BAZ1A: variants seen among roughly 807,000 people sequenced by gnomAD.
BAZ1A encodes bromodomain adjacent to zinc finger domain 1A.
BAZ1A carries 50 observed loss-of-function variants against 185.2 expected under a neutral mutation model. The observed-to-expected ratio is 0.27, with a 90% CI of 0.22 to 0.34. The LOEUF is 0.34. Ranked by LOEUF, BAZ1A falls within the 10% of genes least tolerant of loss-of-function variation. BAZ1A has a pLI of 1.00. For synonymous variants in BAZ1A, 571 were observed against 615.6 expected (o/e 0.93, Z 1.07); for missense variants, 1,356 against 1,839.9 (o/e 0.74, Z 4.81).
intron 25 of BAZ1A, among the ~76,000 whole-genome samples, chr14:34,755,587 T>C (rs1293192973): frequency 1.3e-5 from 2 of 152,180 alleles, no homozygotes; most frequent in African/African-American, 4.8e-5. Flanking sequence ...ATAGTTCTCC[T>C]TAAAAAGCGT....
Position 34,862,100 on chromosome 14 carries a change from G to C in BAZ1A, c.336C>G (p.Val112=). Residue 112 remains valine (V), a synonymous_variant, in exon 3 of 27, where the codon GTC becomes GTG. Transcript: ENST00000360310. The part of the protein sequence containing the change: ...HEICDDIFAY[V]KDRYFVEETV... ...TTTCTTCGACAAAATATCGATCCTT[G>C]ACATATGCAAAGATATCATCACAAA... 1 of 1,614,154 alleles carries C rather than the reference G, an allele frequency of 6.2e-7. No individual in the cohort carries two copies. Among genetic ancestry groups the C allele is most frequent in the Non-Finnish European group, 8.5e-7 (1 of 1,180,020 alleles).
chr14:34,773,694 T>C lies in BAZ1A; in HGVS notation c.3030A>G (p.Leu1010=). The C allele has an allele frequency of 6.2e-7, 1 of 1,613,680 alleles. No individual in the cohort carries two copies. The highest frequency in any genetic ancestry group is 1.3e-5 in the African/African-American group (1 of 75,040). ...TTAACAGCTCATACCGTCCACTTTCTAATGCTGATCTCCAGATATGTCGAT... is the reference window on the plus strand; with the variant it reads ...TTAACAGCTCATACCGTCCACTTTCCAATGCTGATCTCCAGATATGTCGAT... ...VTDRHIWRSA[L]ESGRYELLSE... is the part of the protein sequence containing the mutation. The change falls in exon 20 of 27, where the codon TTA becomes TTG. Residue 1010 remains leucine (L), a synonymous_variant. Transcript: ENST00000360310.
chr14:34,802,877 G>C lies in BAZ1A; in HGVS notation c.838C>G (p.Pro280Ala). The change falls in exon 7 of 27, where the codon CCC (proline) becomes GCC (alanine). Residue 280 changes from proline (P) to alanine (A), a missense_variant. Pro to Ala is a conservative substitution (Grantham distance 27). Coordinates refer to ENST00000360310, the MANE Select transcript of BAZ1A (RefSeq NM_013448.3). ...SPANRRRGRP[P>A]KRIHISQEDN... ...ACTTGACTAATATGTATTCGTTTGG[G>C]AGGTCTCCCTCTTCGTCTGTTAGCA... 6.2e-7 allele frequency: 1 copy of C among 1,613,602 alleles called. No individual in the cohort carries two copies. Among genetic ancestry groups the C allele is most frequent in the Non-Finnish European group, 8.5e-7 (1 of 1,179,652 alleles).
chr14:34,788,365 G>A (rs893846556), intron 12 of BAZ1A, among the ~76,000 whole-genome samples: 1 of 151,908 alleles, frequency 6.6e-6, no homozygotes, highest in Non-Finnish European at 1.5e-5. Flanking sequence ...GTGCAGTGCT[G>A]CAATCTCAGC....
chr14:34,822,346 A>T (rs1331422230), intron 4 of BAZ1A, among the ~76,000 whole-genome samples: 1 of 151,932 alleles, frequency 6.6e-6, no homozygotes, highest in Non-Finnish European at 1.5e-5. Context: ...TGACTAGACC[A>T]GGCATGGGGG....
chr14:34,756,298 G>A (rs973841834), intron 25 of BAZ1A, among the ~76,000 whole-genome samples: 14 of 150,464 alleles, frequency 9.3e-5, no homozygotes, highest in Admixed American at 2.0e-4. Flanking sequence ...TGTTTTTTTA[G>A]TAGAGACAGG....
At chr14:34,852,647 C>T (rs1463462755) in intron 3 of BAZ1A, among the ~76,000 whole-genome samples, 1 of 151,974 alleles carries the variant, frequency 6.6e-6, no homozygotes, top group Non-Finnish European at 1.5e-5. Context: ...TGCATGTTCC[C>T]CAATGAAGAC....
chr14:34,816,646 A>C (rs1003473833), intron 4 of BAZ1A: 12 of 210,428 alleles, frequency 5.7e-5, no homozygotes, highest in African/African-American at 2.8e-4. Context: ...TTCACATACT[A>C]ATCTGAGCTG....
intron 4 of BAZ1A, among the ~76,000 whole-genome samples, chr14:34,812,486 G>A (rs2041943973): frequency 1.3e-5 from 2 of 152,130 alleles, no homozygotes; most frequent in African/African-American, 4.8e-5. Flanking sequence ...CACTTCAGAA[G>A]GGTCACTCTG....
chr14:34,795,731 T>A lies in BAZ1A; in HGVS notation c.1163A>T (p.Tyr388Phe). 6.2e-7 allele frequency: 1 copy of A among 1,613,332 alleles called. No homozygotes were observed. The highest frequency in any genetic ancestry group is 8.5e-7 in the Non-Finnish European group (1 of 1,179,848). Reference sequence around the variant, plus strand: ...ACTCCACTGTTTTAAGTATTCCACATACTTTCGCTTTTCTTCACGTAACTT... The same window carrying A: ...ACTCCACTGTTTTAAGTATTCCACAAACTTTCGCTTTTCTTCACGTAACTT... ...REKLREEKRK[Y>F]VEYLKQWSKP... is the part of the protein sequence containing the mutation. Residue 388 changes from tyrosine (Y) to phenylalanine (F), a missense_variant, in exon 10 of 27, where the codon TAT (tyrosine) becomes TTT (phenylalanine). Transcript: ENST00000360310.
At chr14:34,838,237 T>C (rs936054988) in intron 3 of BAZ1A, among the ~76,000 whole-genome samples, 4 of 152,212 alleles carry the variant, frequency 2.6e-5, no homozygotes, top group African/African-American at 9.7e-5. Context: ...GGAAAGGCAA[T>C]CTATTAGGTG....
rs780287749 is a variant in BAZ1A at position 34,759,171 on chromosome 14, G to GTTTTTTTTTTTTTTT, written c.4244-340_4244-326dup. ...TTATTAAAAATACTTTACAGCTACA[G>GTTTTTTTTTTTTTTT]TTTTTTTTTTTTTTTTTTTTTTTTT... On this transcript the variant is annotated intron_variant, in intron 24 of 26. Transcript: ENST00000360310. Among the ~76,000 whole-genome samples the GTTTTTTTTTTTTTTT allele has an allele frequency of 2.6e-4, 17 of 66,468 alleles. 2 individuals carry two copies. The highest frequency in any genetic ancestry group is 1.2e-3 in the East Asian group (2 of 1,624). The allele number at this position is 66,468 out of a possible 152,430, so 43.6% of individuals were successfully genotyped here.
chr14:34,785,389 A>C lies in BAZ1A; in HGVS notation c.1831+388T>G, dbSNP rs542011838. On this transcript the variant is annotated intron_variant, in intron 14 of 26. Transcript: ENST00000360310. Reference sequence around the variant, plus strand: ...CTTGTACATGCAATTTTTTAAAAAAAGGAAGTGAAAAATAGCTTCATCTTA... The same window carrying C: ...CTTGTACATGCAATTTTTTAAAAAACGGAAGTGAAAAATAGCTTCATCTTA... Among the ~76,000 whole-genome samples, 25 of 152,312 alleles carry C rather than the reference A, an allele frequency of 1.6e-4. No individual in the cohort carries two copies. In the East Asian group the frequency reaches 4.4e-3, roughly 27 times the overall value.
chr14:34,801,835 G>T (rs998430097), intron 7 of BAZ1A, among the ~76,000 whole-genome samples: 13 of 151,724 alleles, frequency 8.6e-5, no homozygotes, highest in Admixed American at 2.6e-4. Flanking sequence ...GAACCCAGGA[G>T]GTGGAGGTTG....
At position 34,784,367 on chromosome 14, in the gene BAZ1A, C is replaced by CCAAAAAAAAAAAAAA. The variant is rs1225939081; in HGVS notation, c.1832-441_1832-440insTTTTTTTTTTTTTTG. Among the ~76,000 whole-genome samples, 77 of 77,176 alleles carry CCAAAAAAAAAAAAAA rather than the reference C, an allele frequency of 1.0e-3. 10 individuals are homozygous for CCAAAAAAAAAAAAAA. The highest frequency in any genetic ancestry group is 3.8e-3 in the African/African-American group (62 of 16,418). The allele number at this position is 77,176 out of a possible 152,430, so 50.6% of individuals were successfully genotyped here. On this transcript the variant is annotated intron_variant, in intron 14 of 26. Transcript: ENST00000360310. ...TGGGCAACTGAGTGAGACTCTGTCTCAAAAAAAAAAAAAAAAAAAAAAAAA... is the reference window on the plus strand; with the variant it reads ...TGGGCAACTGAGTGAGACTCTGTCTCCAAAAAAAAAAAAAAAAAAAAAAAAAAAAAAAAAAAAAAA...
At chr14:34,779,108 T>C (rs866544547) in intron 17 of BAZ1A, among the ~76,000 whole-genome samples, 1 of 151,994 alleles carries the variant, frequency 6.6e-6, no homozygotes, top group East Asian at 1.9e-4. Context: ...CCTTGGCCTC[T>C]CAGAGTGCTG....
At chr14:34,762,760 G>A (rs753835539) in intron 23 of BAZ1A, among the ~76,000 whole-genome samples, 4 of 152,154 alleles carry the variant, frequency 2.6e-5, no homozygotes, top group Non-Finnish European at 4.4e-5. Context: ...GTAAGCCACC[G>A]TGCCCAGTCC....
intron 12 of BAZ1A, 84 bp downstream of exon 12, chr14:34,792,691 C>T: frequency 1.4e-6 from 2 of 1,467,044 alleles, no homozygotes; most frequent in Non-Finnish European, 1.9e-6. Context: ...GCATAAAAGC[C>T]AATTTAACTT....
intron 12 of BAZ1A, chr14:34,786,623 T>TTTTTTTTTTA (rs1880472595): frequency 6.4e-6 from 1 of 155,086 alleles, no homozygotes; most frequent in Non-Finnish European, 1.4e-5. Flanking sequence ...TTTTTTTTTT[T>TTTTTTTTTTA]TTGAGATGTA....
Sources: allele counts gnomAD v4.1 joint callset (sites outside exome capture counted in the v4.1 genomes callset), GRCh38; gene constraint gnomAD v4.1.1; transcripts MANE v1.5; gene names NCBI Gene and HGNC (gene_info 2026-07-23, HGNC 2026-07-21).